NUP98: variants seen among roughly 807,000 people sequenced by gnomAD.
NUP98 encodes the protein nuclear pore complex protein Nup98-Nup96.
In NUP98, 26 loss-of-function variants were observed where a neutral mutation model predicts 191.9. The observed-to-expected ratio is 0.14, with a 90% confidence interval of 0.10 to 0.19. The LOEUF is 0.19. NUP98 is among the 10% of genes least tolerant of loss of function. The pLI is 1.00. For missense variants in NUP98, 1,941 were observed against 2,178.8 expected (o/e 0.89, Z 2.17); for synonymous variants, 808 against 778.4 (o/e 1.04, Z -0.63).
At chr11:3,715,293 C>A (rs1301417889) in intron 18 of NUP98, among the ~76,000 whole-genome samples, 2 of 152,104 alleles carry the variant, frequency 1.3e-5, no homozygotes, top group Non-Finnish European at 2.9e-5. Flanking sequence ...AGTACAGGTG[C>A]CCGCCACAAC....
chr11:3,732,703 T>C (rs2079892911), intron 13 of NUP98, among the ~76,000 whole-genome samples: 1 of 152,220 alleles, frequency 6.6e-6, no homozygotes, highest in African/African-American at 2.4e-5. Flanking sequence ...GTGCTTCAGA[T>C]GGCACCTCTA....
At chr11:3,695,687 T>G in intron 25 of NUP98, 81 bp from the exon 26 acceptor site, 1 of 1,008,374 alleles carries the variant, frequency 9.9e-7, no homozygotes, top group Non-Finnish European at 1.3e-6. Context: ...TATCTTCATT[T>G]CTTCCAGCCT....
chr11:3,728,355 A>C (rs10834966), intron 14 of NUP98, among the ~76,000 whole-genome samples: 25,919 of 152,186 alleles, frequency 0.17, 2,431 homozygotes, highest in Non-Finnish European at 0.22. Flanking sequence ...GGTTTTGAGG[A>C]GAAAAGGGAA....
chr11:3,721,780 G>A (rs984834000), intron 16 of NUP98, among the ~76,000 whole-genome samples: 1 of 152,058 alleles, frequency 6.6e-6, no homozygotes, highest in African/African-American at 2.4e-5. Context: ...AATAAAAAAA[G>A]CAGAGCGCTG....
intron 1 of NUP98, among the ~76,000 whole-genome samples, chr11:3,788,857 G>A (rs1158977114): frequency 6.6e-6 from 1 of 151,976 alleles, no homozygotes; most frequent in African/African-American, 2.4e-5. Flanking sequence ...TGAGGCAGGA[G>A]AATCGCTTGA....
At chr11:3,759,135 G>T (rs867624996) in intron 10 of NUP98, among the ~76,000 whole-genome samples, 10 of 152,186 alleles carry the variant, frequency 6.6e-5, no homozygotes, top group Admixed American at 2.6e-4. Context: ...CCATGTCTTT[G>T]TACTCAACTC....
chr11:3,743,718 C>G, intron 12 of NUP98, among the ~76,000 whole-genome samples: 1 of 151,346 alleles, frequency 6.6e-6, no homozygotes. Flanking sequence ...TAGGTGGACC[C>G]TGGCAAAGTC....
intron 1 of NUP98, among the ~76,000 whole-genome samples, chr11:3,789,635 C>A (rs1369096973): frequency 4.0e-5 from 6 of 151,510 alleles, no homozygotes; most frequent in African/African-American, 1.5e-4. Flanking sequence ...CCCACTTTAG[C>A]CTCCCAAAAA....
At chr11:3,687,994 T>C (rs2078180105) in intron 28 of NUP98, among the ~76,000 whole-genome samples, 1 of 152,192 alleles carries the variant, frequency 6.6e-6, no homozygotes, top group South Asian at 2.1e-4. Context: ...GAAATGCAAA[T>C]GAAACAATGA....
chr11:3,718,754 T>C lies in NUP98; in HGVS notation c.2399+658A>G, dbSNP rs572872977. On this transcript the variant is annotated intron_variant, in intron 18 of 32. Coordinates refer to ENST00000324932, the MANE Select transcript of NUP98 (RefSeq NM_016320.5). ...TCACACTAAAATAGAGAGTTAAGTA[T>C]AGCCACAGCAGAAACAGGAATAAAG... is the stretch of plus-strand genomic sequence containing the variant. Among the ~76,000 whole-genome samples the C allele has an allele frequency of 3.3e-5, 5 of 152,264 alleles. No homozygotes were observed. In the South Asian group the frequency reaches 6.2e-4, roughly 19 times the overall value.
chr11:3,770,907 G>C (rs1014689801), intron 7 of NUP98, among the ~76,000 whole-genome samples: 1 of 152,066 alleles, frequency 6.6e-6, no homozygotes, highest in Non-Finnish European at 1.5e-5. Flanking sequence ...CTGTCACCCA[G>C]GCTGGAGTGC....
chr11:3,756,121 T>C (rs1018525269), intron 10 of NUP98, among the ~76,000 whole-genome samples: 1 of 152,168 alleles, frequency 6.6e-6, no homozygotes, highest in African/African-American at 2.4e-5. Context: ...TTTTCCTTGA[T>C]GAAAACACAA....
At chr11:3,794,529 G>A (rs1291077084) in intron 1 of NUP98, among the ~76,000 whole-genome samples, 1 of 151,964 alleles carries the variant, frequency 6.6e-6, no homozygotes, top group Non-Finnish European at 1.5e-5. Context: ...GTTTCACCAT[G>A]TTGCCCAGGC....
At chr11:3,765,616 A>G (rs989045696) in intron 8 of NUP98, among the ~76,000 whole-genome samples, 24 of 152,106 alleles carry the variant, frequency 1.6e-4, no homozygotes, top group African/African-American at 4.3e-4. Flanking sequence ...CCTGCCTAAC[A>G]TGGTGAAACC....
At chr11:3,775,842 G>T in intron 5 of NUP98, 40 bp downstream of exon 5, 1 of 1,586,788 alleles carries the variant, frequency 6.3e-7, no homozygotes, top group South Asian at 1.1e-5. Flanking sequence ...ATATACATGC[G>T]GGAAAAAACA....
intron 11 of NUP98, among the ~76,000 whole-genome samples, chr11:3,746,457 C>A (rs2080505096): frequency 6.6e-6 from 1 of 151,642 alleles, no homozygotes; most frequent in South Asian, 2.1e-4. Context: ...TACCTCCTTG[C>A]CTCCAAACAA....
intron 2 of NUP98, 25 bp downstream of exon 2, chr11:3,782,017 T>C: frequency 1.3e-6 from 2 of 1,561,750 alleles, no homozygotes; most frequent in East Asian, 2.3e-5. Flanking sequence ...GGTTTCTCCC[T>C]CTTTTGTCCT....
At chr11:3,693,119 T>C (rs1330729247) in intron 27 of NUP98, 113 bp downstream of exon 27, 15 of 1,029,412 alleles carry the variant, frequency 1.5e-5, no homozygotes, top group Non-Finnish European at 2.0e-5. Context: ...AGTAGCCTTG[T>C]CCAGAGGAAG....
At chr11:3,728,815 G>A (rs970070962) in intron 14 of NUP98, among the ~76,000 whole-genome samples, 1 of 152,170 alleles carries the variant, frequency 6.6e-6, no homozygotes, top group Non-Finnish European at 1.5e-5. Context: ...AGAGATAGTG[G>A]TGGCTTGCAC....
Sources: allele counts gnomAD v4.1 joint callset (sites outside exome capture counted in the v4.1 genomes callset), GRCh38; gene constraint gnomAD v4.1.1; transcripts MANE v1.5; gene names NCBI Gene and HGNC (gene_info 2026-07-23, HGNC 2026-07-21).